BRAT1: variants seen among roughly 807,000 people sequenced by gnomAD.
The protein encoded by BRAT1 is BRCA1 associated ATM activator 1.
Under a neutral mutation model 70.6 loss-of-function variants are expected in BRAT1, and 74 were observed. That is an observed-to-expected ratio of 1.05 (90% CI 0.87 to 1.27). BRAT1 has a LOEUF of 1.27. Among genes scored for constraint, BRAT1 ranks in the 50% most tolerant of loss-of-function variants. BRAT1 has a pLI of 0.00. For synonymous variants in BRAT1, 615 were observed against 517.1 expected, an observed-to-expected ratio of 1.19 and a Z score of -2.57; for missense variants, 1,203 against 1,098.2, an observed-to-expected ratio of 1.10 and a Z score of -1.35.
In BRAT1 at chr7:2,541,380, GC is replaced by G; in HGVS notation, c.1238del (p.Gly413AlafsTer34). On this transcript the variant is annotated frameshift_variant, in exon 9 of 14. Transcript: ENST00000340611. LOFTEE classifies it high-confidence loss of function. Reference protein sequence around the residue: ...GSAAPASSVGGHLCGTLAGCV... With the variant: ...GSAAPASSVGXHLCGTLAGCV... ...AGCCCGCCAGGGTCCCACAGAGGTG[GC>G]CCCCCACACTGGAGGCAGGGGCAGC... 1.9e-6 allele frequency: 3 copies of G among 1,607,028 alleles called. No homozygotes were observed. Among genetic ancestry groups the G allele is most frequent in the Non-Finnish European group, 1.7e-6 (2 of 1,179,084 alleles).
chr7:2,551,157 T>G (rs1779973837), intron 2 of BRAT1, among the ~76,000 whole-genome samples: 1 of 151,648 alleles, frequency 6.6e-6, no homozygotes, highest in South Asian at 2.1e-4. Flanking sequence ...GGAGAATCGT[T>G]TGAAACCCAG....
chr7:2,543,514 GTGGGACA>G lies in BRAT1; in HGVS notation c.803+69_803+75del. On this transcript the variant is annotated intron_variant, in intron 5 of 13. Coordinates refer to ENST00000340611, the MANE Select transcript of BRAT1 (RefSeq NM_152743.4). This position sits in a 1 kb window ranked among gnomAD's most constrained non-coding sequence, Gnocchi z 5.5. ...GTCCTCAGAGAGTCTCCGGCTGCCAGTGGGACATCCCTGGGCGTTATCCGAGGAAAAC... is the reference window on the plus strand; with the variant it reads ...GTCCTCAGAGAGTCTCCGGCTGCCAGTCCCTGGGCGTTATCCGAGGAAAAC... 1 of 1,488,740 alleles carries G rather than the reference GTGGGACA, an allele frequency of 6.7e-7. No homozygotes were observed. Among genetic ancestry groups the G allele is most frequent in the Non-Finnish European group, 8.9e-7 (1 of 1,122,050 alleles). 92.2% of individuals were successfully genotyped at this position (1,488,740 alleles called of 1,614,324 possible).
rs185653171 is a variant in BRAT1 at position 2,541,467 on chromosome 7, C to T, written c.1152G>A (p.Pro384=). The change falls in exon 9 of 14, where the codon CCG becomes CCA. Residue 384 remains proline, a synonymous_variant. Transcript: ENST00000340611. ...CCCCCAGTAGAGACGCCTGGGGCCA[C>T]GGTGAAGGGCGCTGGGGCTGCGAGG... ...ELQPLPQRPS[P]WPQASLLGAT... 22 of 1,548,688 alleles carry T rather than the reference C, an allele frequency of 1.4e-5. No individual in the cohort carries two copies. Among genetic ancestry groups the T allele is most frequent in the Admixed American group, 6.0e-5 (3 of 49,986 alleles).
intron 2 of BRAT1, among the ~76,000 whole-genome samples, chr7:2,548,180 C>T (rs1373677320): frequency 1.3e-5 from 2 of 151,584 alleles, no homozygotes; most frequent in Non-Finnish European, 2.9e-5. Flanking sequence ...CAAGCAGGTA[C>T]AATGGAACAA....
intron 13 of BRAT1, 41 bp downstream of exon 13, chr7:2,539,138 C>T: frequency 6.4e-7 from 1 of 1,562,936 alleles, no homozygotes; most frequent in Non-Finnish European, 8.7e-7. Flanking sequence ...CACACGATGG[C>T]CAGGCGGGAG....
At chr7:2,549,322 T>TA (rs1222175320) in intron 2 of BRAT1, among the ~76,000 whole-genome samples, 1 of 150,504 alleles carries the variant, frequency 6.6e-6, no homozygotes, top group Non-Finnish European at 1.5e-5. Flanking sequence ...CCCCTCTCTA[T>TA]AAAAATTCGC....
At position 2,541,661 on chromosome 7, in the gene BRAT1, C is replaced by T. The variant is rs551813716; in HGVS notation, c.1134+57G>A. On this transcript the variant is annotated intron_variant, in intron 8 of 13. Coordinates refer to ENST00000340611, the MANE Select transcript of BRAT1 (RefSeq NM_152743.4). ...GGGTGGGGGGCGTCAGCCTACGTTG[C>T]GGTCCCACCGCCAGCGTGGATGCTG... The T allele has an allele frequency of 1.0e-3, 1,564 of 1,534,710 alleles. 2 individuals carry two copies. Among genetic ancestry groups the T allele is most frequent in the Non-Finnish European group, 1.3e-3 (1,444 of 1,135,956 alleles).
At chr7:2,552,470 G>A (rs1014007689) in intron 2 of BRAT1, among the ~76,000 whole-genome samples, 1 of 151,182 alleles carries the variant, frequency 6.6e-6, no homozygotes, top group Non-Finnish European at 1.5e-5. Flanking sequence ...GCTCAAAGAG[G>A]GTAAAAGGCA....
Position 2,539,359 on chromosome 7 carries a change from T to G in BRAT1, c.1598-8A>C, listed in dbSNP as rs918975333. The G allele has an allele frequency of 6.3e-7, 1 of 1,595,310 alleles. No individual in the cohort carries two copies. Among genetic ancestry groups the G allele is most frequent in the African/African-American group, 1.3e-5 (1 of 74,248 alleles). ...ATCTGAAGTCAGCCTGTCCTGGGGG[T>G]CGAAACGGCCACATGCAGCTGTGAC... On this transcript the variant is annotated splice_region_variant and splice_polypyrimidine_tract_variant and intron_variant, in intron 12 of 13. Transcript: ENST00000340611.
At chr7:2,546,834 T>C (rs1045710937) in intron 3 of BRAT1, among the ~76,000 whole-genome samples, 1 of 152,216 alleles carries the variant, frequency 6.6e-6, no homozygotes, top group Non-Finnish European at 1.5e-5. Context: ...TATTCATTCA[T>C]TTGTAGGCTG....
chr7:2,538,839 A>T (rs537027887), intron 13 of BRAT1, 75 bp from the exon 14 acceptor site: 3 of 1,568,200 alleles, frequency 1.9e-6, no homozygotes, highest in Non-Finnish European at 2.6e-6. Context: ...ACTCCGGTAC[A>T]TGATGGGGGC....
chr7:2,552,114 T>A (rs1156674229), intron 2 of BRAT1, among the ~76,000 whole-genome samples: 145 of 39,928 alleles, frequency 3.6e-3, no homozygotes, highest in African/African-American at 5.7e-3. Flanking sequence ...ATATTTTTTT[T>A]TTTTTTTTTT....
intron 10 of BRAT1, chr7:2,540,104 C>T: frequency 4.0e-6 from 2 of 502,916 alleles, no homozygotes; most frequent in East Asian, 6.8e-5. Context: ...CTGCAGCCTC[C>T]ACCTCCCAGG....
chr7:2,538,862 T>G (rs1261027017), intron 13 of BRAT1, 98 bp from the exon 14 acceptor site: 31 of 1,534,612 alleles, frequency 2.0e-5, no homozygotes, highest in Non-Finnish European at 2.6e-5. Flanking sequence ...GCCCCGGACA[T>G]GCAGTCTAGG....
rs1489035616 is a variant in BRAT1, at chr7:2,554,544, G to C, written c.-16-97C>G. 6 of 1,413,844 alleles carry C rather than the reference G, an allele frequency of 4.2e-6. No individual in the cohort carries two copies. In the South Asian group the frequency reaches 7.2e-5, roughly 17 times the overall value. The allele number at this position is 1,413,844 out of a possible 1,614,324, so 87.6% of individuals were successfully genotyped here. A position where few individuals can be genotyped will look rare whatever the true frequency, so the allele number is the denominator to read the frequency against. Reference sequence around the variant, plus strand: ...ACCATGCCTGCTCAGGCCTGGGAAGGGGCCCCAGAACTTTCATCTCAGACC... The same window carrying C: ...ACCATGCCTGCTCAGGCCTGGGAAGCGGCCCCAGAACTTTCATCTCAGACC... On this transcript the variant is annotated intron_variant, in intron 1 of 13. Transcript: ENST00000340611.
At chr7:2,545,894 G>A (rs1342442177) in intron 3 of BRAT1, among the ~76,000 whole-genome samples, 1 of 152,242 alleles carries the variant, frequency 6.6e-6, no homozygotes, top group Non-Finnish European at 1.5e-5. Context: ...GCAAGATGGT[G>A]CCTGGGTGGG....
chr7:2,550,467 CAAAAAAAAAAAAACA>C (rs1318397685), intron 2 of BRAT1, among the ~76,000 whole-genome samples: 1 of 32,680 alleles, frequency 3.1e-5, no homozygotes, highest in Non-Finnish European at 5.7e-5. Context: ...GACTCCATCT[CAAAAAAAAAAAAACA>C]AAAAAAAAAA....
At position 2,545,075 on chromosome 7, in the gene BRAT1, AGTGAG is replaced by A; in HGVS notation, c.283-24_283-20del. 6.8e-7 allele frequency: 1 copy of A among 1,474,176 alleles called. No homozygotes were observed. Among genetic ancestry groups the A allele is most frequent in the Non-Finnish European group, 9.0e-7 (1 of 1,110,452 alleles). 91.3% of individuals were successfully genotyped at this position (1,474,176 alleles called of 1,614,324 possible). On this transcript the variant is annotated intron_variant, in intron 3 of 13. Transcript: ENST00000340611. ...CCCCCTGCTGGGAAGCAAAAAAAGA[AGTGAG>A]GGTGGCCAGGCGCAGTGGCTGAAGC... is the stretch of plus-strand genomic sequence containing the variant.
Position 2,539,631 on chromosome 7 carries a change from C to T in BRAT1, c.1510G>A (p.Val504Met). The T allele has an allele frequency of 6.3e-7, 1 of 1,594,396 alleles. No homozygotes were observed. Among genetic ancestry groups the T allele is most frequent in the Non-Finnish European group, 8.5e-7 (1 of 1,169,798 alleles). The change falls in exon 12 of 14, where the codon GTG becomes ATG. Residue 504 changes from valine (V) to methionine (M), a missense_variant. Transcript: ENST00000340611. The stretch of plus-strand genomic sequence containing the variant: ...GGGTGGCACAGGCGTTTCTGCAGCA[C>T]AGGGAACAGCTCTAGGGTGGGAAGG... ...IPQFLRELFP[V>M]LQKRLCHPCW...
Sources: allele counts gnomAD v4.1 joint callset (sites outside exome capture counted in the v4.1 genomes callset), GRCh38; gene constraint gnomAD v4.1.1; non-coding constraint Gnocchi (gnomAD v3.1); transcripts MANE v1.5; gene names NCBI Gene and HGNC (gene_info 2026-07-23, HGNC 2026-07-21).